The following CDH10 variants were observed in gnomAD, a reference collection of about 807,000 sequenced individuals.
CDH10 encodes the protein cadherin 10.
A neutral mutation model predicts 73.1 loss-of-function variants in CDH10; 30 were observed. That is an observed-to-expected ratio of 0.41 (90% CI 0.31 to 0.56). CDH10 has a LOEUF of 0.56. Among genes scored for constraint, CDH10 ranks in the 20% least tolerant of loss-of-function variants. The pLI is 0.27. For synonymous variants in CDH10, 345 were observed against 348.2 expected (o/e 0.99, Z 0.10); for missense variants, 815 against 973.7 (o/e 0.84, Z 2.17).
chr5:24,631,651 A>G (rs1334012054), intron 1 of CDH10, among the ~76,000 whole-genome samples: 5 of 151,894 alleles, frequency 3.3e-5, no homozygotes, highest in Non-Finnish European at 5.9e-5. Context: ...CTGAAACTCC[A>G]ATCATATCGC....
intron 1 of CDH10, among the ~76,000 whole-genome samples, chr5:24,639,960 C>T (rs1253983456): frequency 6.6e-6 from 1 of 151,782 alleles, no homozygotes; most frequent in Non-Finnish European, 1.5e-5. Flanking sequence ...CAGTAAACTA[C>T]ACTGGTGCCA....
chr5:24,628,845 GACACACACAC>G (rs71698746), intron 1 of CDH10, among the ~76,000 whole-genome samples: 2 of 127,216 alleles, frequency 1.6e-5, no homozygotes, highest in African/African-American at 6.3e-5. Context: ...TCCCCACCTT[GACACACACAC>G]ACACACACAC....
chr5:24,554,522 A>G (rs1744695048), intron 2 of CDH10, among the ~76,000 whole-genome samples: 7 of 79,122 alleles, frequency 8.8e-5, no homozygotes, highest in African/African-American at 3.1e-4. Flanking sequence ...GTGTGTGTGC[A>G]CGTGCATGAT....
chr5:24,514,302 T>A (rs6878003), intron 5 of CDH10, among the ~76,000 whole-genome samples: 72,627 of 151,894 alleles, frequency 0.48, 17,486 homozygotes, highest in East Asian at 0.58. Context: ...AAATATCCAC[T>A]GACTGACCCG....
intron 2 of CDH10, among the ~76,000 whole-genome samples, chr5:24,546,528 C>T (rs1320905964): frequency 6.6e-6 from 1 of 151,996 alleles, no homozygotes; most frequent in African/African-American, 2.4e-5. Flanking sequence ...TATAAAGATC[C>T]TATTTATCCA....
intron 5 of CDH10, among the ~76,000 whole-genome samples, chr5:24,534,760 C>T (rs1743882218): frequency 6.6e-6 from 1 of 152,036 alleles, no homozygotes; most frequent in African/African-American, 2.4e-5. Context: ...CAGAAACAAA[C>T]ATATTTATTG....
At chr5:24,586,138 A>G (rs1311425299) in intron 2 of CDH10, among the ~76,000 whole-genome samples, 4 of 152,178 alleles carry the variant, frequency 2.6e-5, no homozygotes, top group African/African-American at 4.8e-5. Flanking sequence ...TTACAGCTCA[A>G]TTTCCTACTT....
intron 3 of CDH10, 83 bp downstream of exon 3, chr5:24,537,297 T>A: frequency 1.1e-6 from 1 of 879,170 alleles, no homozygotes; most frequent in Non-Finnish European, 1.8e-6. Context: ...AGGATTTCAA[T>A]TAATTGATTA....
At chr5:24,540,937 T>A (rs909937794) in intron 2 of CDH10, among the ~76,000 whole-genome samples, 1 of 151,938 alleles carries the variant, frequency 6.6e-6, no homozygotes, top group Non-Finnish European at 1.5e-5. Context: ...AATCTAATTG[T>A]ACATAAAACT....
At chr5:24,604,519 G>C (rs1746683589) in intron 1 of CDH10, among the ~76,000 whole-genome samples, 1 of 152,060 alleles carries the variant, frequency 6.6e-6, no homozygotes, top group African/African-American at 2.4e-5. Flanking sequence ...CTGACAAATT[G>C]CATTTGATGA....
intron 5 of CDH10, among the ~76,000 whole-genome samples, chr5:24,514,311 C>T (rs751478117): frequency 5.3e-5 from 8 of 152,094 alleles, no homozygotes; most frequent in Admixed American, 1.3e-4. Flanking sequence ...CTGACTGACC[C>T]GTCATAATTT....
intron 1 of CDH10, among the ~76,000 whole-genome samples, chr5:24,622,736 G>A (rs1045630301): frequency 6.6e-6 from 1 of 152,074 alleles, no homozygotes; most frequent in Non-Finnish European, 1.5e-5. Flanking sequence ...GAGACAGCAG[G>A]CATTACTTCA....
At chr5:24,568,168 C>CA (rs1745231704) in intron 2 of CDH10, among the ~76,000 whole-genome samples, 2 of 150,544 alleles carry the variant, frequency 1.3e-5, no homozygotes, top group African/African-American at 2.5e-5. Flanking sequence ...TTGTTATAAA[C>CA]AAAAAACATA....
intron 1 of CDH10, among the ~76,000 whole-genome samples, chr5:24,630,089 A>G (rs2112192998): frequency 6.6e-6 from 1 of 152,268 alleles, no homozygotes; most frequent in South Asian, 2.1e-4. Context: ...GATGTAAATA[A>G]AAATCAGAAT....
Position 24,585,526 on chromosome 5 carries a change from A to T in CDH10, c.231+7734T>A, listed in dbSNP as rs1745962603. On this transcript the variant is annotated intron_variant, in intron 2 of 11. Transcript: ENST00000264463. ...CAACCTCCGCCTCCCAGGTTCAAGC[A>T]ATTCTCCTGCCTCAGCCTCCCAAGT... Among the ~76,000 whole-genome samples, 4 of 152,104 alleles carry T rather than the reference A, an allele frequency of 2.6e-5. 1 individual carries two copies. In the South Asian group the frequency reaches 8.3e-4, roughly 32 times the overall value.
intron 7 of CDH10, among the ~76,000 whole-genome samples, chr5:24,505,489 GT>G (rs1454212450): frequency 1.3e-5 from 2 of 152,112 alleles, no homozygotes; most frequent in Non-Finnish European, 2.9e-5. Context: ...TATTTAAATT[GT>G]TGTCTATTGT....
At position 24,505,028 on chromosome 5, in the gene CDH10, A is replaced by C. The variant is rs1742654671; in HGVS notation, c.1393+84T>G. ...ATGAATTATTTTTAATGTAAAATAA[A>C]ACCTATAAAATATGTTAAACTGCAT... On this transcript the variant is annotated intron_variant, in intron 8 of 11. Coordinates refer to ENST00000264463, the MANE Select transcript of CDH10 (RefSeq NM_006727.5). The C allele has an allele frequency of 3.2e-6, 3 of 946,784 alleles. 1 individual carries two copies. The highest frequency in any genetic ancestry group is 4.9e-5 in the Admixed American group (2 of 40,580). The allele number at this position is 946,784 out of a possible 1,614,324, so 58.6% of individuals were successfully genotyped here. A position where few individuals can be genotyped will look rare whatever the true frequency, so the allele number is the denominator to read the frequency against.
chr5:24,627,318 C>A lies in CDH10; in HGVS notation c.-124+17276G>T, dbSNP rs182604827. Among the ~76,000 whole-genome samples, 1,292 of 152,102 alleles carry A rather than the reference C, an allele frequency of 8.5e-3. 9 individuals are homozygous for A. The highest frequency in any genetic ancestry group is 0.012 in the Non-Finnish European group (799 of 67,986). ...AAATAAAACAGTGTTTAAAATATGACATATTTGGTGTACTCTTAAATGCTT... is the reference window on the plus strand; with the variant it reads ...AAATAAAACAGTGTTTAAAATATGAAATATTTGGTGTACTCTTAAATGCTT... On this transcript the variant is annotated intron_variant, in intron 1 of 11. Transcript: ENST00000264463.
At chr5:24,596,551 T>C (rs1473533252) in intron 1 of CDH10, among the ~76,000 whole-genome samples, 1 of 151,966 alleles carries the variant, frequency 6.6e-6, no homozygotes, top group African/African-American at 2.4e-5. Flanking sequence ...TCAAATCAAT[T>C]AAAATTTTTG....
Sources: gnomAD v4.1 joint callset for allele counts (sites outside exome capture counted in the v4.1 genomes callset) on GRCh38, gnomAD v4.1.1 for gene constraint, MANE v1.5 for transcripts, NCBI Gene and HGNC (gene_info 2026-07-23, HGNC 2026-07-21) for gene names.